NME7: variants seen among roughly 807,000 people sequenced by gnomAD.
NME7 encodes the protein NME/NM23 family member 7, also known as nucleoside diphosphate kinase 7.
Under a neutral mutation model 49.1 loss-of-function variants are expected in NME7, and 41 were observed. The ratio of observed to expected loss-of-function variants is 0.83; its 90% confidence interval spans 0.65 to 1.08. The LOEUF (loss-of-function observed/expected upper bound fraction) is 1.08, where lower values mean the gene tolerates loss of function less well. Ranked by LOEUF, NME7 falls within the 50% of genes least tolerant of loss-of-function variation. The pLI is 0.00. For missense variants in NME7, 423 were observed against 463.4 expected (o/e 0.91, Z 0.80); for synonymous variants, 139 against 150.6 (o/e 0.92, Z 0.56).
rs1439180792 is a variant in NME7 at position 169,277,204 on chromosome 1, C to T, written c.754+10099G>A. ...GAGTTCTGTAGATGTCTATTAGGTC[C>T]GCTTGGTGCAGAGCTAAGTTCAATT... On this transcript the variant is annotated intron_variant, in intron 7 of 11. Transcript: ENST00000367811. 3.1e-4 allele frequency among the ~76,000 whole-genome samples: 46 copies of T among 148,328 alleles called. 1 individual carries two copies. The highest frequency in any genetic ancestry group is 1.1e-3 in the East Asian group (5 of 4,726).
At chr1:169,251,164 G>A (rs1383285772) in intron 7 of NME7, among the ~76,000 whole-genome samples, 1 of 152,046 alleles carries the variant, frequency 6.6e-6, no homozygotes, top group Non-Finnish European at 1.5e-5. Context: ...CCAGTGTTAA[G>A]TGTATATAAA....
At chr1:169,282,373 A>T (rs1422257256) in intron 7 of NME7, among the ~76,000 whole-genome samples, 1 of 151,912 alleles carries the variant, frequency 6.6e-6, no homozygotes, top group South Asian at 2.1e-4. Context: ...CAGTCTATCT[A>T]TTTTGATGAT....
chr1:169,133,582 G>A (rs532880448), intron 11 of NME7, among the ~76,000 whole-genome samples: 2 of 152,284 alleles, frequency 1.3e-5, no homozygotes, highest in East Asian at 1.9e-4. Flanking sequence ...TGTGTGATGC[G>A]AAATTAGTAC....
At position 169,270,461 on chromosome 1, in the gene NME7, G is replaced by T. The variant is rs193185633; in HGVS notation, c.754+16842C>A. Among the ~76,000 whole-genome samples the T allele has an allele frequency of 1.0e-3, 138 of 133,636 alleles. 13 individuals carry two copies. In the East Asian group the frequency reaches 0.024, roughly 24 times the overall value. 87.7% of individuals were successfully genotyped at this position (133,636 alleles called of 152,430 possible). ...CTTAAATCAGACCTAGGCTTTAACT[G>T]GGGAAAAAAATTAAAGCACTTTATT... On this transcript the variant is annotated intron_variant, in intron 7 of 11. Coordinates refer to ENST00000367811, the MANE Select transcript of NME7 (RefSeq NM_013330.5).
At chr1:169,230,971 C>A in intron 9 of NME7, 152 bp from the exon 10 acceptor site, 1 of 471,396 alleles carries the variant, frequency 2.1e-6, no homozygotes, top group Non-Finnish European at 3.8e-6. Flanking sequence ...AAATTCTGTC[C>A]ATTTTTCCTT....
rs577035668 is a variant in NME7 at position 169,299,270 on chromosome 1, A to AT, written c.441-508dup. Among the ~76,000 whole-genome samples the AT allele has an allele frequency of 2.6e-3, 343 of 132,274 alleles. 2 individuals are homozygous for AT. Among genetic ancestry groups the AT allele is most frequent in the African/African-American group, 8.4e-3 (323 of 38,648 alleles). 86.8% of individuals were successfully genotyped at this position (132,274 alleles called of 152,430 possible). On this transcript the variant is annotated intron_variant, in intron 5 of 11. Coordinates refer to ENST00000367811, the MANE Select transcript of NME7 (RefSeq NM_013330.5). The stretch of plus-strand genomic sequence containing the variant: ...CAATAAACACTGAGCTGGTTTGGTG[A>AT]TAAAAAAAAAAATCCCCAGCAGGCT...
chr1:169,157,656 C>T (rs564992562), intron 11 of NME7, among the ~76,000 whole-genome samples: 5 of 152,256 alleles, frequency 3.3e-5, no homozygotes, highest in Non-Finnish European at 5.9e-5. Flanking sequence ...ACTGGAGTTC[C>T]GTTGGAAGTG....
At position 169,287,365 on chromosome 1, in the gene NME7, G is replaced by T; in HGVS notation, c.692C>A (p.Ala231Glu). The T allele has an allele frequency of 6.2e-7, 1 of 1,608,426 alleles. No homozygotes were observed. The highest frequency in any genetic ancestry group is 8.5e-7 in the Non-Finnish European group (1 of 1,177,868). Residue 231 changes from alanine (A) to glutamate (E), a missense_variant, in exon 7 of 12, where the codon GCA becomes GAA. Ala to Glu is a moderately radical substitution (Grantham distance 107). Coordinates refer to ENST00000367811, the MANE Select transcript of NME7 (RefSeq NM_013330.5). ...FFPSSGGCGP[A>E]NTAKFTNCTC... ...ACAATTAGTAAATTTAGCAGTGTTTGCCGGCCCACAACCTCCACTTGAAGG... is the reference window on the plus strand; with the variant it reads ...ACAATTAGTAAATTTAGCAGTGTTTTCCGGCCCACAACCTCCACTTGAAGG...
At chr1:169,248,423 G>A (rs1415683901) in intron 7 of NME7, among the ~76,000 whole-genome samples, 3 of 151,790 alleles carry the variant, frequency 2.0e-5, no homozygotes, top group African/African-American at 7.3e-5. Context: ...CCCACTCTGT[G>A]GGTTGTCTAT....
At chr1:169,347,830 T>A (rs1436152094) in intron 1 of NME7, among the ~76,000 whole-genome samples, 1 of 152,200 alleles carries the variant, frequency 6.6e-6, no homozygotes, top group African/African-American at 2.4e-5. Context: ...TGCAATGTCC[T>A]ATATGTAGTA....
intron 7 of NME7, among the ~76,000 whole-genome samples, chr1:169,249,526 G>C (rs1177937162): frequency 6.6e-6 from 1 of 152,132 alleles, no homozygotes; most frequent in Non-Finnish European, 1.5e-5. Flanking sequence ...ATGCTGAATA[G>C]AAGTGGTGAA....
chr1:169,247,217 T>C (rs1648362024), intron 7 of NME7, among the ~76,000 whole-genome samples: 1 of 152,116 alleles, frequency 6.6e-6, no homozygotes, highest in African/African-American at 2.4e-5. Context: ...TGTGTAAGAT[T>C]GGGTAAATAG....
chr1:169,223,786 T>TATAG lies in NME7; in HGVS notation c.990+6931_990+6932insCTAT, dbSNP rs1166712104. On this transcript the variant is annotated intron_variant, in intron 10 of 11. Transcript: ENST00000367811. ...ATGGGAATACATGCATATATATATA[T>TATAG]AGAGAGAGAGAGAGAGAGAGATGTA... Among the ~76,000 whole-genome samples the TATAG allele has an allele frequency of 1.9e-3, 279 of 150,214 alleles. 2 individuals carry two copies. The highest frequency in any genetic ancestry group is 6.5e-3 in the African/African-American group (264 of 40,726).
intron 7 of NME7, among the ~76,000 whole-genome samples, chr1:169,251,908 G>A (rs1648641755): frequency 6.6e-6 from 1 of 150,780 alleles, no homozygotes; most frequent in South Asian, 2.1e-4. Context: ...TTTTATGGCT[G>A]CATAGTATTC....
intron 10 of NME7, among the ~76,000 whole-genome samples, chr1:169,176,812 A>G (rs1659765541): frequency 6.6e-6 from 1 of 152,156 alleles, no homozygotes; most frequent in Non-Finnish European, 1.5e-5. Flanking sequence ...CTCTTAACTC[A>G]CTTTTATATA....
At chr1:169,230,850 A>G in intron 9 of NME7, 31 bp from the exon 10 acceptor site, 1 of 1,434,006 alleles carries the variant, frequency 7.0e-7, no homozygotes, top group South Asian at 1.4e-5. Context: ...GAATGAAAAG[A>G]ATTTAACAAT....
chr1:169,284,765 G>A (rs1650204727), intron 7 of NME7: 1 of 152,034 alleles, frequency 6.6e-6, no homozygotes, highest in South Asian at 2.1e-4. Flanking sequence ...TTTGTATACG[G>A]TATAAGGAAG....
chr1:169,222,039 C>T (rs1187742294), intron 10 of NME7, among the ~76,000 whole-genome samples: 3 of 152,134 alleles, frequency 2.0e-5, no homozygotes, highest in Non-Finnish European at 4.4e-5. Flanking sequence ...GCTGGGATTA[C>T]AAGCATGAGC....
intron 6 of NME7, among the ~76,000 whole-genome samples, chr1:169,294,531 G>A (rs1650632083): frequency 6.6e-6 from 1 of 152,080 alleles, no homozygotes; most frequent in Non-Finnish European, 1.5e-5. Context: ...GGCTGTTTGG[G>A]GCTGCATAAG....
Sources: allele counts gnomAD v4.1 joint callset (sites outside exome capture counted in the v4.1 genomes callset), GRCh38; gene constraint gnomAD v4.1.1; transcripts MANE v1.5; gene names NCBI Gene and HGNC (gene_info 2026-07-23, HGNC 2026-07-21).